Variants in CCSER1 observed in about 807,000 individuals in gnomAD.
The protein encoded by CCSER1 is serine-rich coiled-coil domain-containing protein 1.
In CCSER1, 41 loss-of-function variants were observed where a neutral mutation model predicts 82.0. The observed-to-expected ratio is 0.50, with a 90% CI of 0.39 to 0.65. CCSER1 has a LOEUF of 0.65. CCSER1 is among the 30% of genes least tolerant of loss of function. CCSER1 has a pLI of 0.00. For synonymous variants in CCSER1, 414 were observed against 383.9 expected (o/e 1.08, Z -0.92); for missense variants, 1,119 against 1,064.2 (o/e 1.05, Z -0.72).
intron 9 of CCSER1, among the ~76,000 whole-genome samples, chr4:90,984,708 G>A (rs1335915568): frequency 6.6e-6 from 1 of 151,754 alleles, no homozygotes; most frequent in East Asian, 1.9e-4. Context: ...AGTTATTAAA[G>A]AGTGTGGAAA....
At chr4:90,427,861 T>C (rs925623665) in intron 4 of CCSER1, among the ~76,000 whole-genome samples, 1 of 151,884 alleles carries the variant, frequency 6.6e-6, no homozygotes, top group Non-Finnish European at 1.5e-5. Context: ...TAGAATGCAA[T>C]GTTATTCAGC....
At chr4:90,480,293 A>G (rs1028855742) in intron 5 of CCSER1, among the ~76,000 whole-genome samples, 5 of 152,208 alleles carry the variant, frequency 3.3e-5, no homozygotes, top group East Asian at 3.9e-4. Flanking sequence ...TGTCACATAA[A>G]TAGGTTGCAA....
At chr4:90,758,354 G>C (rs962771831) in intron 7 of CCSER1, among the ~76,000 whole-genome samples, 1 of 151,042 alleles carries the variant, frequency 6.6e-6, no homozygotes, top group Non-Finnish European at 1.5e-5. Flanking sequence ...ATTGCTAATG[G>C]GGGAAATAAC....
chr4:91,599,358 C>T lies in CCSER1; in HGVS notation c.*301C>T, dbSNP rs897336970. On this transcript the variant is annotated 3_prime_UTR_variant, in exon 11 of 11. Coordinates refer to ENST00000509176, the MANE Select transcript of CCSER1 (RefSeq NM_001145065.2). ...TCCATAATTTATTTATTTTTTATCTCTATCACTTACTGATATGCATTAAGG... is the reference window on the plus strand; with the variant it reads ...TCCATAATTTATTTATTTTTTATCTTTATCACTTACTGATATGCATTAAGG... 1.8e-5 allele frequency: 4 copies of T among 218,048 alleles called. No homozygotes were observed. The highest frequency in any genetic ancestry group is 9.7e-5 in the East Asian group (1 of 10,330). 13.5% of individuals were successfully genotyped at this position (218,048 alleles called of 1,614,324 possible).
chr4:90,451,907 T>G (rs551009372), intron 4 of CCSER1, among the ~76,000 whole-genome samples: 1 of 152,314 alleles, frequency 6.6e-6, no homozygotes, highest in Admixed American at 6.5e-5. Context: ...TGATGACACT[T>G]AATGAGAGAC....
At chr4:90,358,752 T>C (rs1744769828) in intron 3 of CCSER1, among the ~76,000 whole-genome samples, 1 of 152,176 alleles carries the variant, frequency 6.6e-6, no homozygotes, top group African/African-American at 2.4e-5. Flanking sequence ...AAAATGTCAG[T>C]ATAATTTGAG....
chr4:91,268,073 G>A (rs1015327239), intron 10 of CCSER1, among the ~76,000 whole-genome samples: 3 of 152,080 alleles, frequency 2.0e-5, no homozygotes, highest in Admixed American at 6.6e-5. Flanking sequence ...ATGTGTTTTC[G>A]CATACCTCAA....
rs2110366504 is a variant in CCSER1 at position 91,601,235 on chromosome 4, T to C, written c.*2178T>C. ...TATTTATAGAAGATCTGTCATTTAATAGACATTTTAAGAGATGTTTTAAAC... is the reference window on the plus strand; with the variant it reads ...TATTTATAGAAGATCTGTCATTTAACAGACATTTTAAGAGATGTTTTAAAC... On this transcript the variant is annotated 3_prime_UTR_variant, in exon 11 of 11. Transcript: ENST00000509176. 6.6e-6 allele frequency: 1 copy of C among 152,234 alleles called. No individual in the cohort carries two copies. Among genetic ancestry groups the C allele is most frequent in the Non-Finnish European group, 1.5e-5 (1 of 67,966 alleles). 9.4% of individuals were successfully genotyped at this position (152,234 alleles called of 1,614,324 possible).
At chr4:91,512,562 T>C (rs537956014) in intron 10 of CCSER1, among the ~76,000 whole-genome samples, 1 of 152,284 alleles carries the variant, frequency 6.6e-6, no homozygotes, top group East Asian at 1.9e-4. Flanking sequence ...TGTGAGCCTT[T>C]ACCTTGTGAT....
At chr4:90,501,560 T>A (rs1769887370) in intron 5 of CCSER1, among the ~76,000 whole-genome samples, 2 of 152,342 alleles carry the variant, frequency 1.3e-5, no homozygotes, top group South Asian at 4.1e-4. Context: ...ACAGTTCAAC[T>A]GTTACTCTCT....
intron 7 of CCSER1, among the ~76,000 whole-genome samples, chr4:90,772,938 A>G (rs1488210937): frequency 1.3e-5 from 2 of 152,264 alleles, no homozygotes; most frequent in African/African-American, 2.4e-5. Flanking sequence ...GTAAAGAGCA[A>G]TGTTTAAAAA....
chr4:90,673,142 A>G (rs988265012), intron 6 of CCSER1, among the ~76,000 whole-genome samples: 2 of 152,006 alleles, frequency 1.3e-5, no homozygotes, highest in Admixed American at 1.3e-4. Context: ...CAAACCTTCA[A>G]TTTGTAAAAA....
intron 8 of CCSER1, among the ~76,000 whole-genome samples, chr4:90,912,450 A>G (rs553201443): frequency 6.6e-6 from 1 of 152,324 alleles, no homozygotes; most frequent in South Asian, 2.1e-4. Flanking sequence ...AGGAAAACTA[A>G]CAAACAGAAA....
Position 90,127,577 on chromosome 4 carries a change from C to G in CCSER1, c.-296C>G, listed in dbSNP as rs1004448592. 3 of 152,846 alleles carry G rather than the reference C, an allele frequency of 2.0e-5. No individual in the cohort carries two copies. Among genetic ancestry groups the G allele is most frequent in the African/African-American group, 7.2e-5 (3 of 41,480 alleles). 9.5% of individuals were successfully genotyped at this position (152,846 alleles called of 1,614,324 possible). ...CTGCCAATCCGCCTCTCCTCTCTCT[C>G]TCTCTCTGTCTCAACATGACTGACT... is the stretch of plus-strand genomic sequence containing the variant. On this transcript the variant is annotated 5_prime_UTR_variant, in exon 1 of 11. Transcript: ENST00000509176.
rs972489763 is a variant in CCSER1 at position 91,247,158 on chromosome 4, C to T, written c.2217+161164C>T. On this transcript the variant is annotated intron_variant, in intron 10 of 10. Transcript: ENST00000509176. ...CTATTAAAAATACAAAAATATTAGC[C>T]GGGTGTGGTGGTGGGCGCCTGTAGT... Among the ~76,000 whole-genome samples the T allele has an allele frequency of 9.9e-5, 15 of 151,820 alleles. No homozygotes were observed. The South Asian group carries it at 1.0e-3, about 11-fold the overall frequency.
chr4:91,418,597 C>T (rs376697606), intron 10 of CCSER1, among the ~76,000 whole-genome samples: 19 of 151,868 alleles, frequency 1.3e-4, no homozygotes, highest in African/African-American at 2.7e-4. Context: ...AAACACCCAA[C>T]AATGAAAACC....
rs935950198 is a variant in CCSER1 at position 90,563,808 on chromosome 4, A to G, written c.1725-64217A>G. Among the ~76,000 whole-genome samples, 9 of 152,314 alleles carry G rather than the reference A, an allele frequency of 5.9e-5. 1 individual carries two copies. Among genetic ancestry groups the G allele is most frequent in the Admixed American group, 5.9e-4 (9 of 15,306 alleles). ...TTCTTTGGAATTATACCCAGTAGAG[A>G]AATTGCTGGATCATGTGCTAGTTTC... On this transcript the variant is annotated intron_variant, in intron 5 of 10. Coordinates refer to ENST00000509176, the MANE Select transcript of CCSER1 (RefSeq NM_001145065.2).
At chr4:90,139,412 G>A (rs1724306351) in intron 1 of CCSER1, among the ~76,000 whole-genome samples, 2 of 152,320 alleles carry the variant, frequency 1.3e-5, no homozygotes, top group South Asian at 4.1e-4. Flanking sequence ...TTTAGATGGA[G>A]TGTATTTTCA....
intron 1 of CCSER1, among the ~76,000 whole-genome samples, chr4:90,213,808 T>C (rs1002127140): frequency 1.3e-5 from 2 of 152,138 alleles, no homozygotes; most frequent in African/African-American, 2.4e-5. Flanking sequence ...AGATCATTCA[T>C]TACTTGGACA....
Sources: gnomAD v4.1 joint callset for allele counts (sites outside exome capture counted in the v4.1 genomes callset) on GRCh38, gnomAD v4.1.1 for gene constraint, MANE v1.5 for transcripts, NCBI Gene and HGNC (gene_info 2026-07-23, HGNC 2026-07-21) for gene names.